The following CERT1 variants were observed in gnomAD, a reference collection of about 807,000 sequenced individuals.
CERT1 encodes the protein ceramide transfer protein.
In CERT1, 31 loss-of-function variants were observed where a neutral mutation model predicts 87.9. The observed-to-expected ratio is 0.35, with a 90% CI of 0.27 to 0.48. CERT1 has a LOEUF of 0.48. CERT1 is among the 20% of genes least tolerant of loss of function. The pLI, the probability that CERT1 is intolerant of heterozygous loss-of-function variation, is 0.99. For missense variants in CERT1, 487 were observed against 758.0 expected, an observed-to-expected ratio of 0.64 and a Z score of 4.20; for synonymous variants, 289 against 250.9, an observed-to-expected ratio of 1.15 and a Z score of -1.44.
At chr5:75,487,069 C>A (rs1766557484) in intron 2 of CERT1, among the ~76,000 whole-genome samples, 1 of 152,094 alleles carries the variant, frequency 6.6e-6, no homozygotes, top group Non-Finnish European at 1.5e-5. Context: ...ATCCCACTAC[C>A]TGACTTCAAA....
At chr5:75,486,990 T>C (rs1363129024) in intron 2 of CERT1, among the ~76,000 whole-genome samples, 8 of 152,138 alleles carry the variant, frequency 5.3e-5, no homozygotes, top group Admixed American at 5.2e-4. Context: ...AATCCTAAAA[T>C]GTATACAGAA....
At chr5:75,422,581 C>T (rs1052564265) in intron 5 of CERT1, among the ~76,000 whole-genome samples, 20 of 152,292 alleles carry the variant, frequency 1.3e-4, no homozygotes, top group African/African-American at 4.6e-4. Flanking sequence ...TGTGCCACTG[C>T]ACTCCAGCCT....
chr5:75,388,595 CATGCATATATATATATATATATATAT>C lies in CERT1; in HGVS notation c.1284+971_1284+996del, dbSNP rs1251039825. Among the ~76,000 whole-genome samples the C allele has an allele frequency of 7.2e-5, 6 of 83,056 alleles. No homozygotes were observed. The East Asian group carries it at 2.0e-3, about 28-fold the overall frequency. The allele number at this position is 83,056 out of a possible 152,430, so 54.5% of individuals were successfully genotyped here. A position where few individuals can be genotyped will look rare whatever the true frequency, so the allele number is the denominator to read the frequency against. On this transcript the variant is annotated intron_variant, in intron 12 of 16. Coordinates refer to ENST00000643780, the MANE Select transcript of CERT1 (RefSeq NM_001379029.1). ...ATCAGATGGAGCCAAGTATAGCATG[CATGCATATATATATATATATATATAT>C]ATATATATATATATATATATCTCAC... is the stretch of plus-strand genomic sequence containing the variant.
intron 3 of CERT1, among the ~76,000 whole-genome samples, chr5:75,448,198 C>T (rs1764634603): frequency 6.6e-6 from 1 of 152,120 alleles, no homozygotes; most frequent in Non-Finnish European, 1.5e-5. Context: ...TTAAATAACA[C>T]ATTAAAGTGC....
At chr5:75,446,419 T>A (rs1007530871) in intron 3 of CERT1, among the ~76,000 whole-genome samples, 1 of 152,194 alleles carries the variant, frequency 6.6e-6, no homozygotes, top group Non-Finnish European at 1.5e-5. Flanking sequence ...TTTCCCCACA[T>A]CTTCCTTTAG....
At chr5:75,457,104 T>C (rs1765016925) in intron 3 of CERT1, among the ~76,000 whole-genome samples, 1 of 152,234 alleles carries the variant, frequency 6.6e-6, no homozygotes, top group Admixed American at 6.5e-5. Flanking sequence ...CGGCTGGCCC[T>C]GATTAAATAA....
chr5:75,482,142 C>T (rs1580833734), intron 2 of CERT1, among the ~76,000 whole-genome samples: 1 of 152,122 alleles, frequency 6.6e-6, no homozygotes, highest in South Asian at 2.1e-4. Context: ...CTCCTGGATG[C>T]CATTTCTAGA....
At chr5:75,482,695 T>C (rs532406904) in intron 2 of CERT1, among the ~76,000 whole-genome samples, 38 of 152,226 alleles carry the variant, frequency 2.5e-4, no homozygotes, top group African/African-American at 8.7e-4. Flanking sequence ...AGAAACTCCA[T>C]TTAGGGGAAA....
chr5:75,420,199 G>C (rs188134496), intron 5 of CERT1, among the ~76,000 whole-genome samples: 1 of 151,624 alleles, frequency 6.6e-6, no homozygotes, highest in African/African-American at 2.4e-5. Flanking sequence ...GGCTGGTTTC[G>C]AAACTCCTGG....
intron 2 of CERT1, among the ~76,000 whole-genome samples, chr5:75,490,592 G>T (rs1580846763): frequency 6.6e-6 from 1 of 151,902 alleles, no homozygotes; most frequent in Admixed American, 6.5e-5. Flanking sequence ...TCCGCCTCCT[G>T]GGTTCATGCC....
At chr5:75,373,512 A>T (rs1209696194), downstream of CERT1, 2 of 152,204 alleles carry the variant, frequency 1.3e-5, no homozygotes, top group Non-Finnish European at 2.9e-5. Flanking sequence ...TAGGGGAAGA[A>T]ATAAAGCTTT....
At chr5:75,425,631 G>C in intron 4 of CERT1, 132 bp from the exon 5 acceptor site, 1 of 752,282 alleles carries the variant, frequency 1.3e-6, no homozygotes, top group Non-Finnish European at 2.1e-6. Context: ...GAGCTGTCTA[G>C]TTCAATATAA....
rs143750085 is a variant in CERT1 at position 75,403,503 on chromosome 5, G to C, written c.931-445C>G. Among the ~76,000 whole-genome samples, 5 of 152,344 alleles carry C rather than the reference G, an allele frequency of 3.3e-5. No individual in the cohort carries two copies. The East Asian group carries it at 7.7e-4, about 23-fold the overall frequency. On this transcript the variant is annotated intron_variant, in intron 8 of 16. Coordinates refer to ENST00000643780, the MANE Select transcript of CERT1 (RefSeq NM_001379029.1). ...ACTGGAAAACAGTGATGCTCATTCA[G>C]CTATATATTATCTAGGGCTTCTTTA...
intron 2 of CERT1, among the ~76,000 whole-genome samples, chr5:75,463,844 C>T (rs1434395533): frequency 6.6e-6 from 1 of 152,062 alleles, no homozygotes; most frequent in African/African-American, 2.4e-5. Flanking sequence ...AAACATAAGA[C>T]TTAGGGAGGG....
rs1011542281 is a variant in CERT1, at chr5:75,462,864, C to T, written c.232-3683G>A. 5.9e-5 allele frequency among the ~76,000 whole-genome samples: 9 copies of T among 151,438 alleles called. No individual in the cohort carries two copies. In the East Asian group the frequency reaches 7.8e-4, roughly 13 times the overall value. On this transcript the variant is annotated intron_variant, in intron 2 of 16. Transcript: ENST00000643780. ...AAAATTAGCTGGGTGTGGTGGCGCGCGCCTGTAGTCCCAGCTACTCAGGAG... is the reference window on the plus strand; with the variant it reads ...AAAATTAGCTGGGTGTGGTGGCGCGTGCCTGTAGTCCCAGCTACTCAGGAG...
intron 2 of CERT1, among the ~76,000 whole-genome samples, chr5:75,482,681 G>A (rs1030288876): frequency 6.6e-6 from 1 of 152,248 alleles, no homozygotes; most frequent in South Asian, 2.1e-4. Context: ...GCAGCTCAAC[G>A]CAAAGAAACT....
intron 11 of CERT1, among the ~76,000 whole-genome samples, chr5:75,395,544 TTG>T (rs1306587788): frequency 2.2e-5 from 3 of 136,532 alleles, no homozygotes; most frequent in African/African-American, 8.9e-5. Flanking sequence ...AAGTGAAACC[TTG>T]TCTCTTTACA....
chr5:75,489,468 G>A (rs1242844098), intron 2 of CERT1, among the ~76,000 whole-genome samples: 2 of 152,140 alleles, frequency 1.3e-5, no homozygotes, highest in Non-Finnish European at 2.9e-5. Context: ...GCAACCTACA[G>A]AATGGGAGAA....
intron 17 of CERT1, chr5:75,369,607 C>T (rs1761013279): frequency 6.6e-6 from 1 of 152,160 alleles, no homozygotes; most frequent in Admixed American, 6.5e-5. Flanking sequence ...CCAATCACCG[C>T]TACCACCTCC....
Sources: allele counts gnomAD v4.1 joint callset (sites outside exome capture counted in the v4.1 genomes callset), GRCh38; gene constraint gnomAD v4.1.1; transcripts MANE v1.5; gene names NCBI Gene and HGNC (gene_info 2026-07-23, HGNC 2026-07-21).